Variants in PCDHAC2 observed in about 807,000 individuals in gnomAD.
The protein encoded by PCDHAC2 is protocadherin alpha-C2.
In PCDHAC2, 24 loss-of-function variants were observed where a neutral mutation model predicts 63.3. The observed-to-expected ratio is 0.38, with a 90% CI of 0.27 to 0.53. The LOEUF is 0.53. Among genes scored for constraint, PCDHAC2 ranks in the 20% least tolerant of loss-of-function variants. PCDHAC2 has a pLI of 0.81. For synonymous variants in PCDHAC2, 569 were observed against 529.4 expected (o/e 1.07, Z -1.03); for missense variants, 1,181 against 1,275.2 (o/e 0.93, Z 1.12).
intron 3 of PCDHAC2, among the ~76,000 whole-genome samples, chr5:140,992,102 G>A (rs1205417295): frequency 6.6e-6 from 1 of 150,914 alleles, no homozygotes; most frequent in Non-Finnish European, 1.5e-5. Context: ...AGAGAATTAA[G>A]GTGAGATGTG....
At chr5:141,007,706 C>T (rs1269578685) in intron 3 of PCDHAC2, among the ~76,000 whole-genome samples, 1 of 152,218 alleles carries the variant, frequency 6.6e-6, no homozygotes, top group Non-Finnish European at 1.5e-5. Flanking sequence ...TCCTCTGCCT[C>T]CCACCACCAG....
At chr5:141,006,406 G>A (rs553100919) in intron 3 of PCDHAC2, among the ~76,000 whole-genome samples, 1 of 152,050 alleles carries the variant, frequency 6.6e-6, no homozygotes, top group East Asian at 1.9e-4. Context: ...GTAGAGACGC[G>A]GTTTCACTGT....
At chr5:141,007,638 T>G (rs1393056593) in intron 3 of PCDHAC2, among the ~76,000 whole-genome samples, 7 of 152,128 alleles carry the variant, frequency 4.6e-5, no homozygotes, top group African/African-American at 1.7e-4. Context: ...GCCCTCCCTG[T>G]ATTTGCCTAA....
At position 140,967,684 on chromosome 5, in the gene PCDHAC2, G is replaced by A. The variant is rs1404001288; in HGVS notation, c.918G>A (p.Gln306=). 2 of 1,614,074 alleles carry A rather than the reference G, an allele frequency of 1.2e-6. No individual in the cohort carries two copies. Among genetic ancestry groups the A allele is most frequent in the Non-Finnish European group, 8.5e-7 (1 of 1,180,038 alleles). The stretch of plus-strand genomic sequence containing the variant: ...GCTACACGTCGGACCGGGAGAGGCA[G>A]CTCTTCAGCATAGATGCCAGTACCG... ...LSSYTSDRER[Q]LFSIDASTGE... The change falls in exon 1 of 4, where the codon CAG becomes CAA. Residue 306 remains glutamine (Q), a synonymous_variant. Transcript: ENST00000289269.
At chr5:141,006,612 AAGG>A (rs2098279964) in intron 3 of PCDHAC2, among the ~76,000 whole-genome samples, 1 of 152,204 alleles carries the variant, frequency 6.6e-6, no homozygotes, top group African/African-American at 2.4e-5. Flanking sequence ...CAGACTGAAT[AAGG>A]AGACTATTGC....
At chr5:140,977,263 TAC>T (rs1466968557) in intron 1 of PCDHAC2, among the ~76,000 whole-genome samples, 4 of 152,230 alleles carry the variant, frequency 2.6e-5, no homozygotes, top group Admixed American at 1.3e-4. Flanking sequence ...CAGCAGATGT[TAC>T]AGTCTTTCTC....
At chr5:140,969,459 G>A (rs1554231863) in intron 1 of PCDHAC2, 128 bp downstream of exon 1, 1 of 1,503,404 alleles carries the variant, frequency 6.7e-7, no homozygotes, top group Non-Finnish European at 8.9e-7. Flanking sequence ...AGTATATATA[G>A]TATCCACAAT....
intron 3 of PCDHAC2, among the ~76,000 whole-genome samples, chr5:140,986,019 G>T (rs562523452): frequency 1.3e-5 from 2 of 152,036 alleles, no homozygotes; most frequent in African/African-American, 2.4e-5. Flanking sequence ...GATTACAGGC[G>T]TGAGCCACTG....
chr5:140,994,149 G>A (rs1299780463), intron 3 of PCDHAC2, among the ~76,000 whole-genome samples: 2 of 152,174 alleles, frequency 1.3e-5, no homozygotes, highest in Non-Finnish European at 2.9e-5. Context: ...TACGTAGGTA[G>A]GGTCAACGAA....
chr5:140,980,363 G>A (rs1477868054), intron 2 of PCDHAC2, among the ~76,000 whole-genome samples: 1 of 152,204 alleles, frequency 6.6e-6, no homozygotes, highest in Non-Finnish European at 1.5e-5. Context: ...TGGGCGCGGT[G>A]GCTCACACCT....
chr5:140,988,332 A>G (rs2097293198), intron 3 of PCDHAC2, among the ~76,000 whole-genome samples: 1 of 152,230 alleles, frequency 6.6e-6, no homozygotes, highest in Non-Finnish European at 1.5e-5. Context: ...ACCCGAGGAA[A>G]GTAAGTCCTT....
intron 1 of PCDHAC2, among the ~76,000 whole-genome samples, chr5:140,976,863 T>G (rs116630325): frequency 0.028 from 4,205 of 152,320 alleles, 87 homozygotes; most frequent in Non-Finnish European, 0.044. Flanking sequence ...GAGTTTACTG[T>G]CTGACAAAGA....
At position 141,010,210 on chromosome 5, in the gene PCDHAC2, G is replaced by A. The variant is rs2098416466; in HGVS notation, c.*273G>A. ...AGTTTCCTTTCTCCTCCGCCGCAAA[G>A]GAGAGGCTTCCCAGCCCCGCCAGTG... On this transcript the variant is annotated 3_prime_UTR_variant, in exon 4 of 4. Transcript: ENST00000289269. 4 of 1,551,736 alleles carry A rather than the reference G, an allele frequency of 2.6e-6. No homozygotes were observed. Among genetic ancestry groups the A allele is most frequent in the African/African-American group, 1.4e-5 (1 of 73,050 alleles).
At chr5:140,988,963 G>A (rs1273293184) in intron 3 of PCDHAC2, 2 of 152,140 alleles carry the variant, frequency 1.3e-5, no homozygotes, top group African/African-American at 4.8e-5. Flanking sequence ...CAAGCCCCAC[G>A]ATGGAGAGAA....
intron 2 of PCDHAC2, among the ~76,000 whole-genome samples, chr5:140,980,472 A>G (rs782408123): frequency 6.6e-6 from 1 of 152,210 alleles, no homozygotes; most frequent in Non-Finnish European, 1.5e-5. Context: ...TCTACTAAAA[A>G]TACAAAAATT....
chr5:140,983,746 T>A (rs1206745225), intron 3 of PCDHAC2, among the ~76,000 whole-genome samples: 2 of 152,228 alleles, frequency 1.3e-5, no homozygotes, highest in East Asian at 3.8e-4. Flanking sequence ...CTTGCAATAA[T>A]CCATTCAAAT....
rs116232949 is a variant in PCDHAC2, at chr5:140,982,448, G to A, written c.2625-27G>A. The A allele has an allele frequency of 4.0e-3, 6,396 of 1,613,770 alleles. 180 individuals carry two copies. In the African/African-American group the frequency reaches 0.067, roughly 17 times the overall value. ...ATGGGAAAGAATTTATGATCTAACC[G>A]TTATCTGGGTCTGTGTGTTTATTCA... On this transcript the variant is annotated intron_variant, in intron 2 of 3. Coordinates refer to ENST00000289269, the MANE Select transcript of PCDHAC2 (RefSeq NM_018899.6).
chr5:141,000,887 AAC>A (rs1554257872), intron 3 of PCDHAC2, among the ~76,000 whole-genome samples: 4 of 152,188 alleles, frequency 2.6e-5, no homozygotes. Context: ...CAACCTGGGC[AAC>A]AGATATAGAC....
At chr5:140,990,025 T>C (rs2097371572) in intron 3 of PCDHAC2, among the ~76,000 whole-genome samples, 1 of 151,914 alleles carries the variant, frequency 6.6e-6, no homozygotes, top group African/African-American at 2.4e-5. Flanking sequence ...AGGCAAAGGA[T>C]GGGAGAAGTC....
Sources: gnomAD v4.1 joint callset for allele counts (sites outside exome capture counted in the v4.1 genomes callset) on GRCh38, gnomAD v4.1.1 for gene constraint, MANE v1.5 for transcripts, NCBI Gene and HGNC (gene_info 2026-07-23, HGNC 2026-07-21) for gene names.